The following TSBP1 variants were observed in gnomAD, a reference collection of about 807,000 sequenced individuals.
TSBP1 encodes the protein testis expressed basic protein 1, also known as testis-expressed basic protein 1.
TSBP1 carries 56 observed loss-of-function variants against 68.8 expected under a neutral mutation model. The ratio of observed to expected loss-of-function variants is 0.81; its 90% CI spans 0.66 to 1.02. TSBP1 has a LOEUF of 1.02. Among genes scored for constraint, TSBP1 ranks in the 50% least tolerant of loss-of-function variants. The pLI is 0.00. For synonymous variants in TSBP1, 171 were observed against 208.7 expected (o/e 0.82, Z 1.56); for missense variants, 502 against 641.2 (o/e 0.78, Z 2.34).
intron 18 of TSBP1, 61 bp downstream of exon 19, chr6:32,323,056 A>G: frequency 2.4e-6 from 3 of 1,230,136 alleles, no homozygotes; most frequent in Non-Finnish European, 3.5e-6. Flanking sequence ...AATCACTTTG[A>G]CAGAAGTGAA....
At chr6:32,353,358 A>T (rs975184865) in intron 8 of TSBP1, among the ~76,000 whole-genome samples, 2 of 151,992 alleles carry the variant, frequency 1.3e-5, no homozygotes, top group Non-Finnish European at 2.9e-5. Context: ...ACAAAAAACA[A>T]GTATGTGTAT....
chr6:32,299,116 G>A (rs148038840), intron 22 of TSBP1, among the ~76,000 whole-genome samples: 78 of 152,348 alleles, frequency 5.1e-4, no homozygotes, highest in African/African-American at 1.8e-3. Context: ...AGAGTGGGAA[G>A]AGTGTGTATT....
At chr6:32,349,946 T>G in intron 8 of TSBP1, 186 bp from the exon 9 acceptor site, 2 of 781,644 alleles carry the variant, frequency 2.6e-6, no homozygotes, top group Middle Eastern at 4.5e-4. Context: ...ATTCCAATAC[T>G]TTTGTGGTAA....
chr6:32,333,917 G>A lies in TSBP1; in HGVS notation c.472+1520C>T, dbSNP rs1294058267. On this transcript the variant is annotated intron_variant, in intron 14 of 22. Transcript: ENST00000612031. This position sits in a 1 kb window ranked among gnomAD's most constrained non-coding sequence, Gnocchi z 4.2. ...ACCTGGAAGATGGCTTTCCAGATCT[G>A]GATACCCTTGGCTATGAGCAGTAAA... 5.2e-6 allele frequency: 1 copy of A among 191,340 alleles called. No individual in the cohort carries two copies. 11.9% of individuals were successfully genotyped at this position (191,340 alleles called of 1,614,324 possible).
chr6:32,298,165 A>C (rs1398967095), intron 22 of TSBP1, among the ~76,000 whole-genome samples: 10 of 152,008 alleles, frequency 6.6e-5, no homozygotes, highest in African/African-American at 2.2e-4. Context: ...TTTTTTTGTA[A>C]GAGAAACTCA....
chr6:32,324,625 A>G (rs983773940), intron 16 of TSBP1: 1 of 1,550,318 alleles, frequency 6.5e-7, no homozygotes. Flanking sequence ...CGAGTCCTAA[A>G]GGAGAGAATT....
At chr6:32,362,097 T>C (rs984184718) in intron 6 of TSBP1, among the ~76,000 whole-genome samples, 3 of 151,968 alleles carry the variant, frequency 2.0e-5, no homozygotes, top group Non-Finnish European at 4.4e-5. Flanking sequence ...AAGACCATCC[T>C]GGCTAACACG....
At chr6:32,339,363 C>G (rs1770059665) in intron 10 of TSBP1, 1 of 623,710 alleles carries the variant, frequency 1.6e-6, no homozygotes, top group East Asian at 2.9e-5. Context: ...AAATCAGTCT[C>G]AAATTCCTCA....
At chr6:32,313,415 A>G (rs1184758072) in intron 19 of TSBP1, among the ~76,000 whole-genome samples, 1 of 152,242 alleles carries the variant, frequency 6.6e-6, no homozygotes, top group Non-Finnish European at 1.5e-5. Context: ...GAATACATAT[A>G]TTTTTAAAAT....
chr6:32,339,060 G>C, intron 10 of TSBP1, 61 bp from the exon 12 acceptor site: 1 of 1,357,494 alleles, frequency 7.4e-7, no homozygotes, highest in Non-Finnish European at 1.1e-6. Flanking sequence ...GTTTATCTCA[G>C]GGAGTTTCAG....
At chr6:32,344,694 T>G (rs1222952897) in intron 9 of TSBP1, among the ~76,000 whole-genome samples, 2 of 152,160 alleles carry the variant, frequency 1.3e-5, no homozygotes, top group Non-Finnish European at 2.9e-5. Context: ...AGTGTGATTT[T>G]TTCATGGATT....
At chr6:32,300,582 TAA>T in intron 21 of TSBP1, 96 bp downstream of exon 24, 1 of 976,708 alleles carries the variant, frequency 1.0e-6, no homozygotes, top group Non-Finnish European at 1.7e-6. Context: ...TTGACTGCTG[TAA>T]GGTAGAGGAA....
intron 22 of TSBP1, 100 bp downstream of exon 25, chr6:32,299,822 T>G: frequency 1.1e-6 from 1 of 947,286 alleles, no homozygotes; most frequent in East Asian, 2.4e-5. Flanking sequence ...AAATTGGCCT[T>G]AGAAGCACAG....
rs1159710602 is a variant in TSBP1 at position 32,333,161 on chromosome 6, A to C, written c.473-1107T>G. 1.3e-5 allele frequency among the ~76,000 whole-genome samples: 2 copies of C among 151,792 alleles called. No homozygotes were observed. Among genetic ancestry groups the C allele is most frequent in the Non-Finnish European group, 2.9e-5 (2 of 67,982 alleles). On this transcript the variant is annotated intron_variant, in intron 14 of 22. Transcript: ENST00000612031. This position sits in a 1 kb window ranked among gnomAD's most constrained non-coding sequence, Gnocchi z 4.2. ...GTAGCTGGGACTGCAGGCGCACGAC[A>C]CCACACCCAGCTAATTTTTGTATTT...
chr6:32,299,024 G>A (rs114910505), intron 22 of TSBP1, among the ~76,000 whole-genome samples: 7,020 of 152,184 alleles, frequency 0.046, 367 homozygotes, highest in African/African-American at 0.13. Flanking sequence ...ATTTGTATTT[G>A]CAAACATTCC....
rs141182185 is a variant in TSBP1, at chr6:32,323,140, A to G, written c.539-3T>C. The G allele has an allele frequency of 1.0e-4, 158 of 1,571,718 alleles. No homozygotes were observed. In the Middle Eastern group the frequency reaches 1.7e-3, roughly 17 times the overall value. ...ACTTATGGGTGCCATGGGTGGACCT[A>G]AAAACCAAAGTAGATATTGGTGAAG... On this transcript the variant is annotated splice_region_variant and splice_polypyrimidine_tract_variant and intron_variant, in intron 17 of 22. Coordinates refer to ENST00000612031, the Ensembl canonical transcript of TSBP1.
At chr6:32,329,244 AGAAAAG>A (rs1364027598) in intron 16 of TSBP1, among the ~76,000 whole-genome samples, 45 of 152,048 alleles carry the variant, frequency 3.0e-4, no homozygotes, top group African/African-American at 1.1e-3. Context: ...CAAGCAGGGG[AGAAAAG>A]GGAAAGGGAA....
rs9268214 is a variant in TSBP1, at chr6:32,314,689, A to G, written c.580+1083T>C. Among the ~76,000 whole-genome samples the G allele has an allele frequency of 0.21, 31,900 of 152,036 alleles. 3,494 individuals are homozygous for G. Among genetic ancestry groups the G allele is most frequent in the East Asian group, 0.22 (1,144 of 5,178 alleles). ...CTTTGTCCTAACATTATTGAAATTAATAAAATGTTGTTATTATGAAAACTA... is the reference window on the plus strand; with the variant it reads ...CTTTGTCCTAACATTATTGAAATTAGTAAAATGTTGTTATTATGAAAACTA... On this transcript the variant is annotated intron_variant, in intron 19 of 22. Coordinates refer to ENST00000612031, the Ensembl canonical transcript of TSBP1. This position sits in a 1 kb window ranked among gnomAD's most constrained non-coding sequence, Gnocchi z 4.2.
In TSBP1 at chr6:32,321,080, T is replaced by C. The variant is rs1243569030; in HGVS notation, c.559+2037A>G. ...TGTATCACATTTTCTTTATTCAGTC[T>C]ACCATTGATGGGCATTTAGGTTGAT... is the stretch of plus-strand genomic sequence containing the variant. On this transcript the variant is annotated intron_variant, in intron 18 of 22. Transcript: ENST00000612031. This position sits in a 1 kb window ranked among gnomAD's most constrained non-coding sequence, Gnocchi z 4.3. 6.6e-6 allele frequency among the ~76,000 whole-genome samples: 1 copy of C among 152,246 alleles called. No individual in the cohort carries two copies. The highest frequency in any genetic ancestry group is 1.5e-5 in the Non-Finnish European group (1 of 68,044).
Sources: allele counts gnomAD v4.1 joint callset (sites outside exome capture counted in the v4.1 genomes callset), GRCh38; gene constraint gnomAD v4.1.1; non-coding constraint Gnocchi (gnomAD v3.1); transcripts MANE v1.5; gene names NCBI Gene and HGNC (gene_info 2026-07-23, HGNC 2026-07-21).